Variants in CPLANE1 observed in about 807,000 individuals in gnomAD.
CPLANE1 encodes ciliogenesis and planar polarity effector 1.
Under a neutral mutation model 362.5 loss-of-function variants are expected in CPLANE1, and 263 were observed. The observed-to-expected ratio is 0.73, with a 90% CI of 0.66 to 0.80. CPLANE1 has a LOEUF of 0.80. Ranked by LOEUF, CPLANE1 falls within the 30% of genes least tolerant of loss-of-function variation. The pLI is 0.00. For missense variants in CPLANE1, 3,461 were observed against 3,793.4 expected (o/e 0.91, Z 2.30); for synonymous variants, 1,212 against 1,302.6 (o/e 0.93, Z 1.50).
At chr5:37,143,632 G>C (rs191926467) in intron 43 of CPLANE1, among the ~76,000 whole-genome samples, 4 of 152,262 alleles carry the variant, frequency 2.6e-5, no homozygotes, top group African/African-American at 9.6e-5. Flanking sequence ...TTATGCAGAA[G>C]AGGCTGAATG....
chr5:37,138,499 C>T (rs1441794518), intron 46 of CPLANE1: 1 of 663,824 alleles, frequency 1.5e-6, no homozygotes, highest in East Asian at 3.2e-5. Flanking sequence ...GTATGTTGTA[C>T]TTAGAGTGAT....
At chr5:37,166,937 G>A (rs1375030604) in intron 35 of CPLANE1, 110 bp downstream of exon 35, 2 of 794,832 alleles carry the variant, frequency 2.5e-6, no homozygotes, top group African/African-American at 3.6e-5. Flanking sequence ...AAAACTGAAT[G>A]TGCAATTGTG....
At chr5:37,151,007 T>C (rs910386903) in intron 42 of CPLANE1, among the ~76,000 whole-genome samples, 2 of 152,192 alleles carry the variant, frequency 1.3e-5, no homozygotes, top group African/African-American at 4.8e-5. Context: ...TGTCTGCATA[T>C]CTGATAATAT....
chr5:37,081,178 A>C, the CPLANE1 span, among the ~76,000 whole-genome samples: 1 of 152,212 alleles, frequency 6.6e-6, no homozygotes, highest in Admixed American at 6.5e-5. Flanking sequence ...CTAGACATGC[A>C]AAGAAAGGAA....
At chr5:37,178,365 C>T (rs1481638818) in intron 29 of CPLANE1, among the ~76,000 whole-genome samples, 1 of 151,744 alleles carries the variant, frequency 6.6e-6, no homozygotes, top group East Asian at 1.9e-4. Flanking sequence ...CCTGTAATTT[C>T]AGCACTTTGA....
intron 12 of CPLANE1, among the ~76,000 whole-genome samples, chr5:37,225,313 G>A (rs1279465963): frequency 6.6e-6 from 1 of 151,620 alleles, no homozygotes; most frequent in Non-Finnish European, 1.5e-5. Flanking sequence ...GGAATGCAGT[G>A]GCGTGATATC....
chr5:37,112,289 G>T (rs1759579939), intron 51 of CPLANE1, among the ~76,000 whole-genome samples: 1 of 152,040 alleles, frequency 6.6e-6, no homozygotes, highest in Non-Finnish European at 1.5e-5. Flanking sequence ...GCTATCACTG[G>T]GTTTCTCTCA....
chr5:37,244,662 T>C (rs1477975712), intron 4 of CPLANE1, 55 bp from the exon 5 acceptor site: 2 of 953,668 alleles, frequency 2.1e-6, no homozygotes, highest in African/African-American at 3.4e-5. Context: ...TTCCCCCCAA[T>C]AAAGTACATA....
At chr5:37,149,273 A>G (rs568105382) in intron 42 of CPLANE1, among the ~76,000 whole-genome samples, 56 of 152,304 alleles carry the variant, frequency 3.7e-4, no homozygotes, top group Non-Finnish European at 7.2e-4. Context: ...CCTGACATCA[A>G]AATCCACAGA....
At chr5:37,129,893 G>A (rs1208867698) in intron 46 of CPLANE1, among the ~76,000 whole-genome samples, 1 of 152,132 alleles carries the variant, frequency 6.6e-6, no homozygotes, top group Non-Finnish European at 1.5e-5. Context: ...CCACTACTGG[G>A]TATCTACCCA....
rs1384646636 is a variant in CPLANE1 at position 37,169,016 on chromosome 5, T to C, written c.7008A>G (p.Ile2336Met). 6.2e-7 allele frequency: 1 copy of C among 1,614,148 alleles called. No homozygotes were observed. Among genetic ancestry groups the C allele is most frequent in the South Asian group, 1.1e-5 (1 of 91,078 alleles). Residue 2336 changes from isoleucine (I) to methionine (M), a missense_variant, in exon 34 of 53, where the codon ATA (isoleucine) becomes ATG (methionine). Around this residue, in one of 2 missense-constraint regions of CPLANE1, gnomAD observed 3,380 missense variants for 3,666.1 expected, o/e 0.92. Transcript: ENST00000651892. ...LTPQQDSSVF[I>M]KPEKLFDVKP... ...TAACATCAAATAGTTTTTCTGGTTT[T>C]ATAAACACTGAAGAGTCCTGTTGAG...
rs189754732 is a variant in CPLANE1 at position 37,153,689 on chromosome 5, A to G, written c.8373+51T>C. ...GGTATCCAAAGTTATATCACACTAC[A>G]AATCTAATAATTCAGTAGCAAACAA... is the stretch of plus-strand genomic sequence containing the variant. On this transcript the variant is annotated intron_variant, in intron 42 of 52. Transcript: ENST00000651892. 25 of 1,548,928 alleles carry G rather than the reference A, an allele frequency of 1.6e-5. No homozygotes were observed. The African/African-American group carries it at 2.2e-4, about 14-fold the overall frequency.
At chr5:37,123,930 T>TACACACACACACACACACAC (rs56833956) in intron 47 of CPLANE1, among the ~76,000 whole-genome samples, 23 of 144,534 alleles carry the variant, frequency 1.6e-4, no homozygotes, top group African/African-American at 5.3e-4. Context: ...TAGGGGAACA[T>TACACACACACACACACACAC]ACACACACAC....
Position 37,106,967 on chromosome 5 carries a change from A to G in CPLANE1, c.*635T>C. The G allele has an allele frequency of 1.0e-6, 1 of 985,464 alleles. No individual in the cohort carries two copies. 61.0% of individuals were successfully genotyped at this position (985,464 alleles called of 1,614,324 possible). On this transcript the variant is annotated 3_prime_UTR_variant, in exon 53 of 53. Coordinates refer to ENST00000651892, the MANE Select transcript of CPLANE1 (RefSeq NM_001384732.1). ...GATGAGCCTTCTAGAGGCCGGAGTC[A>G]TATTCCCTTACTTTCCTGCCCAAAG...
the CPLANE1 span, among the ~76,000 whole-genome samples, chr5:37,091,036 A>G: frequency 5.6e-3 from 848 of 152,288 alleles, 13 homozygotes; most frequent in African/African-American, 0.02. Flanking sequence ...CAATTGCATC[A>G]ATCTTTCCAC....
At chr5:37,091,278 A>C in the CPLANE1 span, among the ~76,000 whole-genome samples, 1 of 152,182 alleles carries the variant, frequency 6.6e-6, no homozygotes, top group Non-Finnish European at 1.5e-5. Flanking sequence ...ATTAGTGCAC[A>C]CACCCTTCCT....
chr5:37,085,979 G>C, the CPLANE1 span: 1 of 590,828 alleles, frequency 1.7e-6, no homozygotes, highest in Non-Finnish European at 3.0e-6. Flanking sequence ...AATGATAAAA[G>C]GACTTGTCCA....
intron 37 of CPLANE1, 151 bp downstream of exon 37, chr5:37,164,122 C>T (rs1193416535): frequency 5.1e-6 from 3 of 582,824 alleles, no homozygotes; most frequent in Non-Finnish European, 6.2e-6. Flanking sequence ...AATTATCAAA[C>T]CTGAGTTGAG....
rs1337841433 is a variant in CPLANE1 at position 37,226,932 on chromosome 5, C to A, written c.1663G>T (p.Ala555Ser). The change falls in exon 12 of 53, where the codon GCA (alanine) becomes TCA (serine). Residue 555 changes from alanine (A) to serine (S), a missense_variant. Transcript: ENST00000651892. The part of the protein sequence containing the change: ...EFASMFDTIH[A>S]KDDSEETDRT... The stretch of plus-strand genomic sequence containing the variant: ...TCTGTCTCCTCACTATCATCCTTTG[C>A]ATGTATCGTATCAAACATAGATGCA... The A allele has an allele frequency of 3.2e-6, 5 of 1,551,800 alleles. No homozygotes were observed. Among genetic ancestry groups the A allele is most frequent in the Middle Eastern group, 3.3e-4 (2 of 6,014 alleles).
Sources: gnomAD v4.1 joint callset for allele counts (sites outside exome capture counted in the v4.1 genomes callset) on GRCh38, gnomAD v4.1.1 for gene constraint, gnomAD v4.1.1 regional missense constraint, MANE v1.5 for transcripts, NCBI Gene and HGNC (gene_info 2026-07-23, HGNC 2026-07-21) for gene names.